RRBP1: variants seen among roughly 807,000 people sequenced by gnomAD.
RRBP1 encodes ribosome binding protein 1, also known as ribosome-binding protein 1.
In RRBP1, 94 loss-of-function variants were observed where a neutral mutation model predicts 165.2. The observed-to-expected ratio is 0.57, with a 90% CI of 0.48 to 0.68. RRBP1 has a LOEUF of 0.68. RRBP1 is among the 30% of genes least tolerant of loss of function. The pLI, the probability that RRBP1 is intolerant of heterozygous loss-of-function variation, is 0.00. For missense variants in RRBP1, 1,676 were observed against 1,763.0 expected, an observed-to-expected ratio of 0.95 and a Z score of 0.88; for synonymous variants, 680 against 714.5, an observed-to-expected ratio of 0.95 and a Z score of 0.77.
chr20:17,681,317 G>T (rs1046135755), intron 1 of RRBP1, among the ~76,000 whole-genome samples: 12 of 145,798 alleles, frequency 8.2e-5, no homozygotes, highest in Admixed American at 4.7e-4. Flanking sequence ...GGGGAGCAGG[G>T]AGCCGCCTCC....
Position 17,655,896 on chromosome 20 carries a change from T to C in RRBP1, c.1912+2700A>G, listed in dbSNP as rs77478885. On this transcript the variant is annotated intron_variant, in intron 3 of 24. Coordinates refer to ENST00000377813, the MANE Select transcript of RRBP1 (RefSeq NM_001365613.2). ...CTCCTGGATCCTGACTGGCCCCACATGTGGTACGTGGGACCCACAGCATCA... is the reference window on the plus strand; with the variant it reads ...CTCCTGGATCCTGACTGGCCCCACACGTGGTACGTGGGACCCACAGCATCA... 4.1e-3 allele frequency among the ~76,000 whole-genome samples: 631 copies of C among 152,346 alleles called. 12 individuals carry two copies. Among genetic ancestry groups the C allele is most frequent in the East Asian group, 0.041 (214 of 5,180 alleles).
chr20:17,640,624 CA>C (rs2036336626), intron 5 of RRBP1, among the ~76,000 whole-genome samples: 1 of 152,130 alleles, frequency 6.6e-6, no homozygotes, highest in Non-Finnish European at 1.5e-5. Flanking sequence ...ACCTAAGAGG[CA>C]AGGCCAGTGG....
intron 5 of RRBP1, 54 bp downstream of exon 5, chr20:17,641,743 G>T: frequency 6.2e-7 from 1 of 1,600,398 alleles, no homozygotes. Context: ...ATGGGGCGGG[G>T]GTCCTCTGAG....
chr20:17,652,318 CTTTAAT>C (rs915799922), intron 3 of RRBP1, among the ~76,000 whole-genome samples: 18 of 152,194 alleles, frequency 1.2e-4, no homozygotes, highest in Admixed American at 1.3e-4. Flanking sequence ...GGAATGGAAT[CTTTAAT>C]TTTATTTACT....
At chr20:17,623,814 C>T (rs1191088789) in intron 13 of RRBP1, among the ~76,000 whole-genome samples, 1 of 152,102 alleles carries the variant, frequency 6.6e-6, no homozygotes, top group Admixed American at 6.5e-5. Flanking sequence ...CGCCTGTAAT[C>T]CCAGCTACTT....
intron 5 of RRBP1, among the ~76,000 whole-genome samples, chr20:17,638,090 G>T (rs530570829): frequency 6.6e-6 from 1 of 152,230 alleles, no homozygotes; most frequent in East Asian, 1.9e-4. Flanking sequence ...TTCTGTGTGG[G>T]CTGGGAAGCC....
intron 5 of RRBP1, among the ~76,000 whole-genome samples, chr20:17,638,345 C>T (rs956135076): frequency 6.6e-6 from 1 of 152,218 alleles, no homozygotes; most frequent in African/African-American, 2.4e-5. Context: ...ATTCCCACAG[C>T]CACATGGATG....
chr20:17,630,186 C>T (rs1281164023), intron 8 of RRBP1, among the ~76,000 whole-genome samples: 1 of 152,260 alleles, frequency 6.6e-6, no homozygotes, highest in Non-Finnish European at 1.5e-5. Context: ...CCCACACTCA[C>T]TTCCCAGTTC....
chr20:17,659,827 G>C lies in RRBP1; in HGVS notation c.681C>G (p.Asn227Lys). 6.4e-7 allele frequency: 1 copy of C among 1,551,002 alleles called. No individual in the cohort carries two copies. Among genetic ancestry groups the C allele is most frequent in the Non-Finnish European group, 8.7e-7 (1 of 1,146,924 alleles). ...GGGTTCCCTCTGTCTTTTTGCCCTG[G>C]TTTGGGGTTCCCTCTGCCTTTCTGC... ...NQGRKAEGTP[N>K]QGKKTEGTPN... The change falls in exon 3 of 25, where the codon AAC becomes AAG. Residue 227 changes from asparagine (N) to lysine (K), a missense_variant. Around this residue, in one of 5 missense-constraint regions of RRBP1, gnomAD observed 392 missense variants for 382.5 expected, o/e 1.02. Coordinates refer to ENST00000377813, the MANE Select transcript of RRBP1 (RefSeq NM_001365613.2).
Position 17,630,310 on chromosome 20 carries a change from G to A in RRBP1, c.2611-349C>T, listed in dbSNP as rs117534748. 7.3e-3 allele frequency among the ~76,000 whole-genome samples: 1,106 copies of A among 152,230 alleles called. 20 individuals are homozygous for A. Among genetic ancestry groups the A allele is most frequent in the East Asian group, 0.052 (269 of 5,178 alleles). ...AGCGACATTTCCCAATCCAGTCCTC[G>A]ATTCCTCTCCCAGGGGCGGACAGCT... On this transcript the variant is annotated intron_variant, in intron 8 of 24. Transcript: ENST00000377813.
At position 17,659,630 on chromosome 20, in the gene RRBP1, TC is replaced by T. The variant is rs2036720502; in HGVS notation, c.877del (p.Glu293ArgfsTer10). Reference sequence around the variant, plus strand: ...CTTTTTGGCCTGGTTCTGAGCCCCCTCGGCCTTTCTGCCCTGGGTTGGGGCC... The same window carrying T: ...CTTTTTGGCCTGGTTCTGAGCCCCCTGGCCTTTCTGCCCTGGGTTGGGGCC... ...EGAPTQGRKAEGAQNQAKKVE... is the reference protein window; with the variant it reads ...EGAPTQGRKAXGAQNQAKKVE... On this transcript the variant is annotated frameshift_variant, in exon 3 of 25. Coordinates refer to ENST00000377813, the MANE Select transcript of RRBP1 (RefSeq NM_001365613.2). LOFTEE classifies it high-confidence loss of function. 3 of 1,550,458 alleles carry T rather than the reference TC, an allele frequency of 1.9e-6. No homozygotes were observed. Among genetic ancestry groups the T allele is most frequent in the Non-Finnish European group, 2.6e-6 (3 of 1,146,990 alleles).
intron 2 of RRBP1, among the ~76,000 whole-genome samples, chr20:17,665,657 T>C (rs1328807576): frequency 6.6e-6 from 1 of 152,230 alleles, no homozygotes; most frequent in African/African-American, 2.4e-5. Context: ...CCTATGCTTT[T>C]AGGTTTTAAA....
intron 21 of RRBP1, 61 bp from the exon 22 acceptor site, chr20:17,616,070 G>T: frequency 7.0e-7 from 1 of 1,433,624 alleles, no homozygotes; most frequent in Non-Finnish European, 9.6e-7. Flanking sequence ...GGGGCCCAGG[G>T]ATCCAGCACA....
intron 4 of RRBP1, among the ~76,000 whole-genome samples, chr20:17,642,259 G>A (rs1568770662): frequency 2.0e-5 from 3 of 152,202 alleles, no homozygotes; most frequent in Non-Finnish European, 4.4e-5. Flanking sequence ...CAGCCCGTAG[G>A]CCTCTGGCTG....
intron 19 of RRBP1, 83 bp from the exon 20 acceptor site, chr20:17,618,762 T>C: frequency 9.2e-7 from 1 of 1,089,148 alleles, no homozygotes; most frequent in South Asian, 1.3e-5. Context: ...CGCCGAAACA[T>C]AAAACCTAAC....
chr20:17,648,207 A>G (rs2036498735), intron 3 of RRBP1, among the ~76,000 whole-genome samples: 1 of 152,160 alleles, frequency 6.6e-6, no homozygotes, highest in Admixed American at 6.5e-5. Context: ...GGCCAACATC[A>G]CTGCTGGCCT....
In RRBP1 at chr20:17,660,372, G is replaced by A. The variant is rs773982640; in HGVS notation, c.136C>T (p.Arg46Cys). Reference protein sequence around the residue: ...TSYEEALANQRKEMAKTHHQK... With the variant: ...TSYEEALANQCKEMAKTHHQK... ...TGGTGAGTTTTCGCCATCTCCTTGC[G>A]CTGGTTGGCTAGGGCTTCTTCATAT... The change falls in exon 3 of 25, where the codon CGC (arginine) becomes TGC (cysteine). Residue 46 changes from arginine (R) to cysteine (C), a missense_variant. Physicochemically the swap from Arg to Cys is radical, Grantham distance 180. Transcript: ENST00000377813. 3.1e-6 allele frequency: 5 copies of A among 1,613,800 alleles called. No homozygotes were observed. The highest frequency in any genetic ancestry group is 3.4e-6 in the Non-Finnish European group (4 of 1,179,982).
At chr20:17,678,863 C>G (rs1182225026) in intron 2 of RRBP1, among the ~76,000 whole-genome samples, 2 of 152,108 alleles carry the variant, frequency 1.3e-5, no homozygotes, top group African/African-American at 4.8e-5. Context: ...GTTTGAAGGC[C>G]CACCACACAG....
At position 17,639,594 on chromosome 20, in the gene RRBP1, G is replaced by GTTCC. The variant is rs552823318; in HGVS notation, c.2184+2202_2184+2203insGGAA. Among the ~76,000 whole-genome samples, 203 of 152,278 alleles carry GTTCC rather than the reference G, an allele frequency of 1.3e-3. 1 individual carries two copies. Among genetic ancestry groups the GTTCC allele is most frequent in the South Asian group, 6.8e-3 (33 of 4,824 alleles). On this transcript the variant is annotated intron_variant, in intron 5 of 24. Coordinates refer to ENST00000377813, the MANE Select transcript of RRBP1 (RefSeq NM_001365613.2). ...AGTGCTGGGCAGTTGCAGTGTTACC[G>GTTCC]TAAGAATGAGGTAAACAGGCCAGGG...
Sources: allele counts gnomAD v4.1 joint callset (sites outside exome capture counted in the v4.1 genomes callset), GRCh38; gene constraint gnomAD v4.1.1; regional missense constraint gnomAD v4.1.1; transcripts MANE v1.5; gene names NCBI Gene and HGNC (gene_info 2026-07-23, HGNC 2026-07-21).